Variants in PPP1R13L observed in about 807,000 individuals in gnomAD.
PPP1R13L encodes the protein protein phosphatase 1 regulatory subunit 13 like, also known as relA-associated inhibitor.
A neutral mutation model predicts 80.9 loss-of-function variants in PPP1R13L; 50 were observed. That is an observed-to-expected ratio of 0.62 (90% CI 0.49 to 0.78). The LOEUF (loss-of-function observed/expected upper bound fraction) is 0.78, where lower values mean the gene tolerates loss of function less well. Among genes scored for constraint, PPP1R13L ranks in the 30% least tolerant of loss-of-function variants. PPP1R13L has a pLI of 0.00. For synonymous variants in PPP1R13L, 602 were observed against 534.3 expected (o/e 1.13, Z -1.75); for missense variants, 1,200 against 1,205.9 (o/e 1.00, Z 0.07).
chr19:45,380,710 T>C (rs555661824), intron 12 of PPP1R13L, among the ~76,000 whole-genome samples: 1 of 152,026 alleles, frequency 6.6e-6, no homozygotes, highest in East Asian at 1.9e-4. Flanking sequence ...TCCCAGCTAC[T>C]TGGGAGGCTG....
rs1243942286 is a variant in PPP1R13L at position 45,395,124 on chromosome 19, C to A, written c.1354+312G>T. On this transcript the variant is annotated intron_variant, in intron 7 of 12. Transcript: ENST00000360957. ...CCTCCCAAAGTGCTGGGATTACAGG[C>A]ATGAGCCACCGTGCCCGGCCCATTA... 4 of 322,668 alleles carry A rather than the reference C, an allele frequency of 1.2e-5. No homozygotes were observed. In the East Asian group the frequency reaches 3.3e-4, roughly 26 times the overall value. The allele number at this position is 322,668 out of a possible 1,614,324, so 20.0% of individuals were successfully genotyped here.
intron 8 of PPP1R13L, 94 bp downstream of exon 8, chr19:45,391,786 G>A (rs770725039): frequency 1.2e-5 from 12 of 977,368 alleles, no homozygotes; most frequent in Non-Finnish European, 1.5e-5. Context: ...AGAAAACTTC[G>A]ATCTCATCTA....
At chr19:45,404,261 C>T (rs886857676) in intron 1 of PPP1R13L, among the ~76,000 whole-genome samples, 3 of 152,154 alleles carry the variant, frequency 2.0e-5, no homozygotes, top group African/African-American at 7.2e-5. Flanking sequence ...TCTAGAACTA[C>T]CTCTGCAAAC....
At position 45,392,335 on chromosome 19, in the gene PPP1R13L, G is replaced by A. The variant is rs1269505272; in HGVS notation, c.1360C>T (p.Pro454Ser). The A allele has an allele frequency of 1.9e-6, 3 of 1,613,218 alleles. No homozygotes were observed. The highest frequency in any genetic ancestry group is 1.7e-6 in the Non-Finnish European group (2 of 1,180,006). ...QTWPPVNEGP[P>S]KPPTELEPEP... ...GGCTCCAGCTCGGTGGGGGGTTTGG[G>A]GGGTCCTAGCCGGAACAAGAGCCCA... Residue 454 changes from proline (P) to serine (S), a missense_variant, in exon 8 of 13, where the codon CCC (proline) becomes TCC (serine). By Grantham distance (74) the Pro-to-Ser change is moderately conservative. Transcript: ENST00000360957.
At chr19:45,390,989 G>T (rs953874922) in intron 8 of PPP1R13L, among the ~76,000 whole-genome samples, 3 of 152,074 alleles carry the variant, frequency 2.0e-5, no homozygotes, top group Non-Finnish European at 4.4e-5. Context: ...TTTGAAGTCA[G>T]GAGTTTGAGA....
intron 8 of PPP1R13L, among the ~76,000 whole-genome samples, chr19:45,386,390 A>G (rs1168363129): frequency 2.6e-5 from 4 of 152,166 alleles, no homozygotes; most frequent in Middle Eastern, 3.4e-3. Context: ...TGATTTGAGA[A>G]TCTTGGGCCC....
intron 8 of PPP1R13L, among the ~76,000 whole-genome samples, chr19:45,391,147 G>A (rs567392153): frequency 1.3e-5 from 2 of 151,576 alleles, no homozygotes; most frequent in African/African-American, 4.8e-5. Context: ...GCAGTGAGCC[G>A]AGGTCAAGCC....
chr19:45,380,000 C>T lies in PPP1R13L; in HGVS notation c.*190G>A. On this transcript the variant is annotated 3_prime_UTR_variant, in exon 13 of 13. Coordinates refer to ENST00000360957, the MANE Select transcript of PPP1R13L (RefSeq NM_006663.4). ...CTTCCCAGACCTCCCAAGGCTAAGG[C>T]AGATTACTAAATTTAAGGCTGGGGC... 1.6e-6 allele frequency: 1 copy of T among 631,702 alleles called. No homozygotes were observed. The highest frequency in any genetic ancestry group is 2.7e-6 in the Non-Finnish European group (1 of 366,086). The allele number at this position is 631,702 out of a possible 1,614,324, so 39.1% of individuals were successfully genotyped here.
intron 1 of PPP1R13L, among the ~76,000 whole-genome samples, chr19:45,401,813 C>A (rs1228150329): frequency 6.6e-6 from 1 of 151,994 alleles, no homozygotes; most frequent in Non-Finnish European, 1.5e-5. Flanking sequence ...AAATTCAAAT[C>A]TGAGGGCCGG....
At chr19:45,399,777 G>C (rs550856768) in intron 1 of PPP1R13L, among the ~76,000 whole-genome samples, 1 of 151,606 alleles carries the variant, frequency 6.6e-6, no homozygotes, top group African/African-American at 2.4e-5. Flanking sequence ...GTGAAACCCC[G>C]TCTCTACAAA....
intron 2 of PPP1R13L, 56 bp downstream of exon 2, chr19:45,398,208 C>T: frequency 2.5e-6 from 4 of 1,613,070 alleles, no homozygotes; most frequent in South Asian, 2.2e-5. Context: ...CCTCAGCACC[C>T]CTCGCCCGCT....
chr19:45,383,727 CTT>C (rs2123349330), intron 11 of PPP1R13L, among the ~76,000 whole-genome samples: 1 of 152,272 alleles, frequency 6.6e-6, no homozygotes, highest in East Asian at 1.9e-4. Flanking sequence ...TGATAGGGTC[CTT>C]TAAGTTGGCT....
intron 7 of PPP1R13L, among the ~76,000 whole-genome samples, chr19:45,393,702 G>A (rs1386675774): frequency 5.3e-5 from 8 of 151,846 alleles, no homozygotes; most frequent in Admixed American, 6.6e-5. Flanking sequence ...ATGAAACCCC[G>A]TCTCTACTAA....
At chr19:45,380,839 C>T (rs1173952359) in intron 12 of PPP1R13L, among the ~76,000 whole-genome samples, 1 of 135,532 alleles carries the variant, frequency 7.4e-6, no homozygotes, top group Non-Finnish European at 1.5e-5. Context: ...AACACACACA[C>T]ACACACACAC....
rs910814467 is a variant in PPP1R13L, at chr19:45,386,629, CTCTT to C, written c.1816-453_1816-450del. 3.0e-5 allele frequency among the ~76,000 whole-genome samples: 4 copies of C among 133,300 alleles called. No homozygotes were observed. The Admixed American group carries it at 3.1e-4, about 10-fold the overall frequency. 87.4% of individuals were successfully genotyped at this position (133,300 alleles called of 152,430 possible). On this transcript the variant is annotated intron_variant, in intron 8 of 12. Transcript: ENST00000360957. ...TTCCTTGTATTTTCCTTTTCTTTTTCTCTTTTTTTTTTTTTTTTTGAGATGGAGT... is the reference window on the plus strand; with the variant it reads ...TTCCTTGTATTTTCCTTTTCTTTTTCTTTTTTTTTTTTTTTGAGATGGAGT...
intron 8 of PPP1R13L, 113 bp downstream of exon 8, chr19:45,391,767 C>A: frequency 1.2e-6 from 1 of 811,598 alleles, no homozygotes; most frequent in South Asian, 3.9e-5. Context: ...GACTTCTACT[C>A]AAAAGAGGAG....
chr19:45,393,796 C>G (rs1014645425), intron 7 of PPP1R13L, among the ~76,000 whole-genome samples: 1 of 151,928 alleles, frequency 6.6e-6, no homozygotes, highest in Non-Finnish European at 1.5e-5. Context: ...TGGCGTGAAC[C>G]CGGGAGGCGG....
chr19:45,403,840 C>A (rs574163934), intron 1 of PPP1R13L, among the ~76,000 whole-genome samples: 2 of 152,196 alleles, frequency 1.3e-5, no homozygotes, highest in South Asian at 4.2e-4. Context: ...CTTCTTAGGA[C>A]GCATGGGGGT....
intron 7 of PPP1R13L, among the ~76,000 whole-genome samples, chr19:45,393,699 C>T (rs1418024824): frequency 6.6e-6 from 1 of 151,904 alleles, no homozygotes; most frequent in African/African-American, 2.4e-5. Context: ...ATGATGAAAC[C>T]CCGTCTCTAC....
Sources: allele counts gnomAD v4.1 joint callset (sites outside exome capture counted in the v4.1 genomes callset), GRCh38; gene constraint gnomAD v4.1.1; transcripts MANE v1.5; gene names NCBI Gene and HGNC (gene_info 2026-07-23, HGNC 2026-07-21).